Variants in ATP8B4 observed in about 807,000 individuals in gnomAD.
The protein encoded by ATP8B4 is ATPase phospholipid transporting 8B4 (putative), also known as probable phospholipid-transporting ATPase IM.
Under a neutral mutation model 145.6 loss-of-function variants are expected in ATP8B4, and 133 were observed. The observed-to-expected ratio is 0.91, with a 90% CI of 0.79 to 1.05. The LOEUF (loss-of-function observed/expected upper bound fraction) is 1.05, where lower values mean the gene tolerates loss of function less well. ATP8B4 is among the 50% of genes least tolerant of loss of function. ATP8B4 has a pLI of 0.00. For synonymous variants in ATP8B4, 507 were observed against 492.9 expected, an observed-to-expected ratio of 1.03 and a Z score of -0.38; for missense variants, 1,458 against 1,425.2, an observed-to-expected ratio of 1.02 and a Z score of -0.37.
At chr15:50,042,473 CATA>C (rs2153603938) in intron 5 of ATP8B4, among the ~76,000 whole-genome samples, 1 of 152,262 alleles carries the variant, frequency 6.6e-6, no homozygotes, top group East Asian at 1.9e-4. Flanking sequence ...CCACTTTCTC[CATA>C]ATATCTTCCC....
At chr15:50,049,502 G>A (rs1246182250) in intron 3 of ATP8B4, among the ~76,000 whole-genome samples, 1 of 152,116 alleles carries the variant, frequency 6.6e-6, no homozygotes, top group Non-Finnish European at 1.5e-5. Context: ...ATGCCTGTGT[G>A]GTATTCCATG....
intron 1 of ATP8B4, among the ~76,000 whole-genome samples, chr15:50,113,723 C>T (rs2153673309): frequency 6.6e-6 from 1 of 150,924 alleles, no homozygotes; most frequent in South Asian, 2.1e-4. Flanking sequence ...CCTGTAATCC[C>T]AGCTACTCAG....
chr15:49,868,502 T>C (rs928277587), intron 25 of ATP8B4, among the ~76,000 whole-genome samples: 3 of 152,162 alleles, frequency 2.0e-5, no homozygotes, highest in South Asian at 2.1e-4. Context: ...GTCATAAAAA[T>C]AGTGGTGAGC....
chr15:49,970,236 A>C (rs191574127), intron 13 of ATP8B4, among the ~76,000 whole-genome samples: 1 of 152,322 alleles, frequency 6.6e-6, no homozygotes, highest in East Asian at 1.9e-4. Flanking sequence ...CTCTCTCGCC[A>C]CTTCTGTTCA....
At chr15:49,932,348 G>A (rs1023954061) in intron 15 of ATP8B4, among the ~76,000 whole-genome samples, 9 of 151,566 alleles carry the variant, frequency 5.9e-5, no homozygotes, top group African/African-American at 1.9e-4. Context: ...TGGAGTTCAG[G>A]GAAGCTACCA....
chr15:50,085,937 T>TGATATATATCATA lies in ATP8B4; in HGVS notation c.29-11753_29-11752insTATGATATATATC, dbSNP rs1567331077. Among the ~76,000 whole-genome samples, 39 of 71,656 alleles carry TGATATATATCATA rather than the reference T, an allele frequency of 5.4e-4. 5 individuals are homozygous for TGATATATATCATA. Among genetic ancestry groups the TGATATATATCATA allele is most frequent in the African/African-American group, 3.0e-3 (37 of 12,432 alleles). The allele number at this position is 71,656 out of a possible 152,430, so 47.0% of individuals were successfully genotyped here. On this transcript the variant is annotated intron_variant, in intron 2 of 27. Coordinates refer to ENST00000284509, the MANE Select transcript of ATP8B4 (RefSeq NM_024837.4). The stretch of plus-strand genomic sequence containing the variant: ...TATATATGATATATATCATATATAT[T>TGATATATATCATA]TATATATGATATATATCATATATAT...
At chr15:49,915,562 CAT>C (rs2039654051) in intron 20 of ATP8B4, among the ~76,000 whole-genome samples, 1 of 152,068 alleles carries the variant, frequency 6.6e-6, no homozygotes, top group South Asian at 2.1e-4. Context: ...TAAAATATCA[CAT>C]GTGCCCCCAA....
At chr15:49,916,790 T>C in intron 20 of ATP8B4, 144 bp downstream of exon 20, 1 of 649,316 alleles carries the variant, frequency 1.5e-6, no homozygotes, top group East Asian at 3.0e-5. Context: ...TGAAAGGAAG[T>C]TTAGGAAACA....
chr15:50,157,177 G>C lies in ATP8B4; in HGVS notation c.-43+25084C>G, dbSNP rs1259036273. On this transcript the variant is annotated intron_variant, in intron 1 of 3. Transcript: ENST00000558829. ...AAAACCAGAGTACTCAAACCAAAGG[G>C]ATAAAGAATTTGCCAGAAAAGATAG... is the stretch of plus-strand genomic sequence containing the variant. 4.6e-5 allele frequency among the ~76,000 whole-genome samples: 7 copies of C among 152,166 alleles called. No individual in the cohort carries two copies. In the East Asian group the frequency reaches 1.4e-3, roughly 29 times the overall value.
At chr15:50,180,869 G>A (rs1252129655) in intron 1 of ATP8B4, among the ~76,000 whole-genome samples, 1 of 152,120 alleles carries the variant, frequency 6.6e-6, no homozygotes, top group Non-Finnish European at 1.5e-5. Flanking sequence ...AAAACGGCAG[G>A]GGGTGGCCTG....
Position 50,072,929 on chromosome 15 carries a change from T to C in ATP8B4, c.87+1198A>G, listed in dbSNP as rs1408013923. Among the ~76,000 whole-genome samples the C allele has an allele frequency of 4.5e-4, 5 of 11,172 alleles. 1 individual carries two copies. The highest frequency in any genetic ancestry group is 4.9e-3 in the South Asian group (1 of 206). The allele number at this position is 11,172 out of a possible 152,430, so 7.3% of individuals were successfully genotyped here. The stretch of plus-strand genomic sequence containing the variant: ...TGAGTCACTGTGCCCGGCCTCTCTC[T>C]CTCTCTCTCTCTCTCTCTCTCTCTC... On this transcript the variant is annotated intron_variant, in intron 3 of 27. Transcript: ENST00000284509.
chr15:49,988,098 CT>C (rs1018645171), intron 9 of ATP8B4, among the ~76,000 whole-genome samples: 2 of 152,184 alleles, frequency 1.3e-5, no homozygotes, highest in African/African-American at 4.8e-5. Context: ...TTCCTTTCAG[CT>C]GTTCTATGCT....
intron 3 of ATP8B4, among the ~76,000 whole-genome samples, chr15:50,070,547 G>T (rs2053659014): frequency 6.6e-6 from 1 of 152,196 alleles, no homozygotes. Context: ...CCTAGGTGTA[G>T]TTGGGGGTCC....
In ATP8B4 at chr15:49,866,440, G is replaced by A. The variant is rs764516936; in HGVS notation, c.3072C>T (p.Phe1024=). The A allele has an allele frequency of 6.2e-7, 1 of 1,613,736 alleles. No homozygotes were observed. Among genetic ancestry groups the A allele is most frequent in the Non-Finnish European group, 8.5e-7 (1 of 1,179,606 alleles). ...TSYWTFINHV[F]IWGSIAIYFS... ...AATAAATGGCAATGCTCCCCCAGAT[G>A]AAGACGTGATTAATGAAAGTCCAGT... The change falls in exon 26 of 28, where the codon TTC becomes TTT. Residue 1024 remains phenylalanine, a synonymous_variant. Transcript: ENST00000284509.
chr15:49,964,851 T>C (rs1175392003), intron 13 of ATP8B4, among the ~76,000 whole-genome samples: 2 of 152,128 alleles, frequency 1.3e-5, no homozygotes, highest in African/African-American at 4.8e-5. Flanking sequence ...TCCTTTAAGA[T>C]TGCTTCCTAG....
Position 50,064,119 on chromosome 15 carries a change from T to C in ATP8B4, c.87+10008A>G, listed in dbSNP as rs191885263. On this transcript the variant is annotated intron_variant, in intron 3 of 27. Transcript: ENST00000284509. ...TTAAAGGATAATTCCACACTGAGATTCCACAGTGTATTGTACTGAAGCTAA... is the reference window on the plus strand; with the variant it reads ...TTAAAGGATAATTCCACACTGAGATCCCACAGTGTATTGTACTGAAGCTAA... Among the ~76,000 whole-genome samples the C allele has an allele frequency of 2.6e-5, 4 of 152,198 alleles. No homozygotes were observed. The East Asian group carries it at 7.7e-4, about 29-fold the overall frequency.
intron 12 of ATP8B4, among the ~76,000 whole-genome samples, chr15:49,975,700 A>T (rs8041517): frequency 0.53 from 80,203 of 151,968 alleles, 23,762 homozygotes; most frequent in African/African-American, 0.79. Context: ...TTTTAATGTT[A>T]CTTTCATAAT....
intron 20 of ATP8B4, among the ~76,000 whole-genome samples, chr15:49,913,733 A>T (rs1175701458): frequency 1.3e-5 from 2 of 152,226 alleles, no homozygotes; most frequent in African/African-American, 4.8e-5. Flanking sequence ...ATAATGAAGT[A>T]CCTGAGAAAG....
At chr15:49,914,560 C>T (rs144115956) in intron 20 of ATP8B4, among the ~76,000 whole-genome samples, 10 of 152,140 alleles carry the variant, frequency 6.6e-5, no homozygotes, top group Middle Eastern at 3.4e-3. Flanking sequence ...AGGAAGAAAG[C>T]ATTTGCAAAG....
Sources: gnomAD v4.1 joint callset for allele counts (sites outside exome capture counted in the v4.1 genomes callset) on GRCh38, gnomAD v4.1.1 for gene constraint, MANE v1.5 for transcripts, NCBI Gene and HGNC (gene_info 2026-07-23, HGNC 2026-07-21) for gene names.